TMX2: variants seen among roughly 807,000 people sequenced by gnomAD.
TMX2 encodes the protein thioredoxin-related transmembrane protein 2.
In TMX2, 20 loss-of-function variants were observed where a neutral mutation model predicts 33.4. That is an observed-to-expected ratio of 0.60 (90% CI 0.42 to 0.87). TMX2 has a LOEUF of 0.87. TMX2 is among the 40% of genes least tolerant of loss of function. The pLI is 0.00. For synonymous variants in TMX2, 166 were observed against 140.7 expected (o/e 1.18, Z -1.27); for missense variants, 340 against 370.7 (o/e 0.92, Z 0.68).
chr11:57,729,064 C>A (rs1348863980), intron 1 of TMX2, among the ~76,000 whole-genome samples: 1 of 151,554 alleles, frequency 6.6e-6, no homozygotes, highest in East Asian at 1.9e-4. Context: ...ACGCATCAAT[C>A]CACCACACAT....
At chr11:57,732,144 G>A (rs548280145) in intron 1 of TMX2, among the ~76,000 whole-genome samples, 2 of 152,218 alleles carry the variant, frequency 1.3e-5, no homozygotes, top group South Asian at 4.1e-4. Flanking sequence ...TTCCGTGTGC[G>A]TTGATAAATT....
In TMX2 at chr11:57,718,104, C is replaced by T. The variant is rs543397371; in HGVS notation, c.189+5297C>T. On this transcript the variant is annotated intron_variant, in intron 1 of 7. Coordinates refer to ENST00000278422, the MANE Select transcript of TMX2 (RefSeq NM_015959.4). Reference sequence around the variant, plus strand: ...GGTCTTGCCATTCCTGGACCCAAAGCGCTCCATGGCCTCTGCAATATTCAT... The same window carrying T: ...GGTCTTGCCATTCCTGGACCCAAAGTGCTCCATGGCCTCTGCAATATTCAT... 3.4e-5 allele frequency: 43 copies of T among 1,254,722 alleles called. No homozygotes were observed. In the African/African-American group the frequency reaches 3.8e-4, roughly 11 times the overall value. The allele number at this position is 1,254,722 out of a possible 1,614,324, so 77.7% of individuals were successfully genotyped here. A position where few individuals can be genotyped will look rare whatever the true frequency, so the allele number is the denominator to read the frequency against.
intron 1 of TMX2, chr11:57,718,555 G>T: frequency 1.5e-6 from 1 of 649,444 alleles, no homozygotes; most frequent in South Asian, 1.7e-5. Context: ...GGCTCCTGGT[G>T]GTGGCAGCAA....
chr11:57,718,194 A>G (rs1238894432), intron 1 of TMX2: 1 of 1,332,258 alleles, frequency 7.5e-7, no homozygotes, highest in Non-Finnish European at 1.1e-6. Flanking sequence ...GGCAGTGTAG[A>G]TGAAAAGCTG....
chr11:57,727,036 T>A (rs542562175), intron 1 of TMX2, among the ~76,000 whole-genome samples: 2 of 152,322 alleles, frequency 1.3e-5, no homozygotes, highest in African/African-American at 4.8e-5. Context: ...CTTCACTGTC[T>A]TTATGATATT....
At chr11:57,712,937 T>C in intron 1 of TMX2, 130 bp downstream of exon 1, 1 of 954,754 alleles carries the variant, frequency 1.0e-6, no homozygotes, top group Non-Finnish European at 1.6e-6. Context: ...TTAGAGACTA[T>C]TAAGTGCAGG....
chr11:57,733,324 C>T (rs1490268579), intron 1 of TMX2, among the ~76,000 whole-genome samples: 2 of 138,404 alleles, frequency 1.4e-5, no homozygotes, highest in East Asian at 2.1e-4. Context: ...AGCGCTTTCT[C>T]GGCTCACTGC....
intron 1 of TMX2, among the ~76,000 whole-genome samples, chr11:57,724,277 G>A: frequency 6.6e-6 from 1 of 152,046 alleles, no homozygotes; most frequent in South Asian, 2.1e-4. Flanking sequence ...GCCATTATAA[G>A]GTCTCTTTGC....
intron 1 of TMX2, among the ~76,000 whole-genome samples, chr11:57,737,273 A>C (rs1948807875): frequency 6.6e-6 from 1 of 152,098 alleles, no homozygotes; most frequent in Non-Finnish European, 1.5e-5. Context: ...TAAAAAAATT[A>C]GCCGGGTGTG....
In TMX2 at chr11:57,737,544, C is replaced by T. The variant is rs1590974269; in HGVS notation, c.190-64C>T. 1.1e-5 allele frequency: 16 copies of T among 1,399,776 alleles called. No homozygotes were observed. In the South Asian group the frequency reaches 1.6e-4, roughly 14 times the overall value. 86.7% of individuals were successfully genotyped at this position (1,399,776 alleles called of 1,614,324 possible). ...TTGGTTTTTATTACATATTTAGTTC[C>T]CTTTCCCACCTAAGTTAGCTCTAGT... On this transcript the variant is annotated intron_variant, in intron 1 of 7. Transcript: ENST00000278422.
intron 1 of TMX2, among the ~76,000 whole-genome samples, chr11:57,724,030 G>T (rs1020240608): frequency 1.3e-5 from 2 of 151,862 alleles, no homozygotes; most frequent in African/African-American, 4.8e-5. Context: ...TAAAGGAATT[G>T]TTCCATTTTG....
chr11:57,735,390 T>C (rs1948684278), intron 1 of TMX2, among the ~76,000 whole-genome samples: 1 of 151,998 alleles, frequency 6.6e-6, no homozygotes, highest in African/African-American at 2.4e-5. Context: ...TTTGTATTTT[T>C]AGTAGAGACG....
rs1039546191 is a variant in TMX2, at chr11:57,736,786, G to A, written c.190-822G>A. ...GCCTGTAGTCCCAGCTACTTGGGAG[G>A]TTGAGTCAGGAGAAACACAAGCCCA... On this transcript the variant is annotated intron_variant, in intron 1 of 7. Coordinates refer to ENST00000278422, the MANE Select transcript of TMX2 (RefSeq NM_015959.4). Among the ~76,000 whole-genome samples the A allele has an allele frequency of 5.3e-5, 8 of 151,938 alleles. 1 individual carries two copies. The East Asian group carries it at 1.6e-3, about 29-fold the overall frequency.
At chr11:57,731,125 G>GTTTTTTTTTTTTTT (rs757832822) in intron 1 of TMX2, among the ~76,000 whole-genome samples, 13 of 85,862 alleles carry the variant, frequency 1.5e-4, no homozygotes, top group African/African-American at 5.5e-4. Context: ...TTTGTTTTTT[G>GTTTTTTTTTTTTTT]TTTTTTTTTT....
At chr11:57,716,911 T>C (rs1947139319) in intron 1 of TMX2, among the ~76,000 whole-genome samples, 1 of 143,786 alleles carries the variant, frequency 7.0e-6, no homozygotes, top group Admixed American at 6.9e-5. Context: ...CCAGACGGGG[T>C]TGGTGCCGGG....
chr11:57,740,841 T>TA lies in TMX2; in HGVS notation c.*597dup, dbSNP rs1310407373. 1.3e-5 allele frequency: 2 copies of TA among 152,330 alleles called. No homozygotes were observed. The highest frequency in any genetic ancestry group is 4.8e-5 in the African/African-American group (2 of 41,458). 9.4% of individuals were successfully genotyped at this position (152,330 alleles called of 1,614,324 possible). On this transcript the variant is annotated 3_prime_UTR_variant, in exon 8 of 8. Coordinates refer to ENST00000278422, the MANE Select transcript of TMX2 (RefSeq NM_015959.4). ...TTTGTGGGGATTGAGAAGGGGTGAA[T>TA]AGAGGCTTGAGACTTTCCTTTGTGT...
intron 4 of TMX2, 96 bp downstream of exon 4, chr11:57,738,526 A>G (rs1375931354): frequency 8.1e-6 from 10 of 1,239,746 alleles, no homozygotes; most frequent in South Asian, 3.6e-5. Flanking sequence ...GTGCTTCAAA[A>G]TGGATGTCAC....
At chr11:57,738,198 AG>A in intron 3 of TMX2, 155 bp from the exon 4 acceptor site, 1 of 739,608 alleles carries the variant, frequency 1.4e-6, no homozygotes, top group South Asian at 1.7e-5. Flanking sequence ...AACAGTTTAC[AG>A]AGACTGTTAT....
At chr11:57,717,419 C>T (rs1419630167) in intron 1 of TMX2, among the ~76,000 whole-genome samples, 1 of 151,794 alleles carries the variant, frequency 6.6e-6, no homozygotes, top group South Asian at 2.1e-4. Context: ...CACCATTGAG[C>T]ACTGAGTGAA....
Sources: gnomAD v4.1 joint callset for allele counts (sites outside exome capture counted in the v4.1 genomes callset) on GRCh38, gnomAD v4.1.1 for gene constraint, MANE v1.5 for transcripts, NCBI Gene and HGNC (gene_info 2026-07-23, HGNC 2026-07-21) for gene names.